The following PDZRN3 variants were observed in gnomAD, a reference collection of about 807,000 sequenced individuals.
PDZRN3 encodes the protein PDZ domain containing ring finger 3.
PDZRN3 carries 38 observed loss-of-function variants against 85.7 expected under a neutral mutation model. The observed-to-expected ratio is 0.44, with a 90% CI of 0.34 to 0.58. The LOEUF (loss-of-function observed/expected upper bound fraction) is 0.58. PDZRN3 is among the 20% of genes least tolerant of loss of function. PDZRN3 has a pLI of 0.01. For missense variants in PDZRN3, 1,629 were observed against 1,506.4 expected (o/e 1.08, Z -1.35); for synonymous variants, 759 against 638.0 (o/e 1.19, Z -2.86).
chr3:73,611,419 C>CAACT (rs1460479547), intron 1 of PDZRN3, among the ~76,000 whole-genome samples: 5 of 152,238 alleles, frequency 3.3e-5, no homozygotes, highest in Non-Finnish European at 7.3e-5. Flanking sequence ...TGTTTCTGAA[C>CAACT]AACTAAGCTG....
intron 3 of PDZRN3, among the ~76,000 whole-genome samples, chr3:73,409,715 G>C (rs868038201): frequency 6.6e-6 from 1 of 152,144 alleles, no homozygotes; most frequent in African/African-American, 2.4e-5. Context: ...GAAATATCAT[G>C]GGTTAAACTA....
At chr3:73,461,836 G>C (rs1204949514) in intron 3 of PDZRN3, among the ~76,000 whole-genome samples, 1 of 152,212 alleles carries the variant, frequency 6.6e-6, no homozygotes, top group African/African-American at 2.4e-5. Flanking sequence ...AAAGGGTCAT[G>C]ATTCACTACG....
At position 73,404,327 on chromosome 3, in the gene PDZRN3, C is replaced by T; in HGVS notation, c.987G>A (p.Glu329=). 6.2e-7 allele frequency: 1 copy of T among 1,614,172 alleles called. No individual in the cohort carries two copies. Among genetic ancestry groups the T allele is most frequent in the African/African-American group, 1.3e-5 (1 of 75,044 alleles). Residue 329 remains glutamate, a synonymous_variant, in exon 4 of 10, where the codon GAG becomes GAA. Coordinates refer to ENST00000263666, the MANE Select transcript of PDZRN3 (RefSeq NM_015009.3). ...QAVEAFKTAK[E]PIVVQVLRRT... is the part of the protein sequence containing the mutation. Reference sequence around the variant, plus strand: ...TTCTCAACACCTGCACCACTATGGGCTCCTTGGCTGTCTTGAAAGCTTCCA... The same window carrying T: ...TTCTCAACACCTGCACCACTATGGGTTCCTTGGCTGTCTTGAAAGCTTCCA...
At chr3:73,434,012 C>T (rs143193153) in intron 3 of PDZRN3, 9 of 1,169,116 alleles carry the variant, frequency 7.7e-6, no homozygotes, top group Non-Finnish European at 7.6e-6. Flanking sequence ...TGGTCCAATG[C>T]ACACGCTATA....
chr3:73,594,106 A>C (rs1467028690), intron 3 of PDZRN3: 2 of 152,200 alleles, frequency 1.3e-5, no homozygotes, highest in African/African-American at 4.8e-5. Flanking sequence ...TAGGAAAATA[A>C]GGAAAATAAT....
intron 5 of PDZRN3, among the ~76,000 whole-genome samples, chr3:73,400,308 G>C (rs1469430556): frequency 2.0e-5 from 3 of 152,176 alleles, no homozygotes; most frequent in Non-Finnish European, 4.4e-5. Flanking sequence ...ATGGGAAGTA[G>C]AACTCTGTTG....
chr3:73,597,261 A>C (rs1287646473), intron 3 of PDZRN3, among the ~76,000 whole-genome samples: 1 of 152,154 alleles, frequency 6.6e-6, no homozygotes, highest in East Asian at 1.9e-4. Context: ...AAGCATTGCT[A>C]ATCCTTTCTA....
chr3:73,554,500 C>CACAGCG (rs1701643912), intron 3 of PDZRN3, among the ~76,000 whole-genome samples: 1 of 152,050 alleles, frequency 6.6e-6, no homozygotes, highest in Non-Finnish European at 1.5e-5. Flanking sequence ...AAGCATGGGC[C>CACAGCG]ACAGCGTTGT....
intron 1 of PDZRN3, among the ~76,000 whole-genome samples, chr3:73,609,618 G>A (rs1170032008): frequency 6.6e-6 from 1 of 152,008 alleles, no homozygotes; most frequent in Non-Finnish European, 1.5e-5. Context: ...TTCACTTAAC[G>A]TTTTCTATTT....
chr3:73,580,623 T>C (rs1182613253), intron 3 of PDZRN3, among the ~76,000 whole-genome samples: 1 of 152,238 alleles, frequency 6.6e-6, no homozygotes, highest in Admixed American at 6.5e-5. Context: ...AAGGCTGCAC[T>C]GGCCTCCATC....
Position 73,384,419 on chromosome 3 carries a change from C to G in PDZRN3, c.2147G>C (p.Arg716Pro). 1 of 1,610,588 alleles carries G rather than the reference C, an allele frequency of 6.2e-7. No individual in the cohort carries two copies. The highest frequency in any genetic ancestry group is 8.5e-7 in the Non-Finnish European group (1 of 1,179,936). The change falls in exon 10 of 10, where the codon CGC (arginine) becomes CCC (proline). Residue 716 changes from arginine (R) to proline (P), a missense_variant. Arg to Pro is a moderately radical substitution (Grantham distance 103, BLOSUM62 -2). Coordinates refer to ENST00000263666, the MANE Select transcript of PDZRN3 (RefSeq NM_015009.3). ...GCTGTTGTGCAGCATCCAGGACTCG[C>G]GGTACTGCTCCTTGAGCTGCTGCAT... ...HKMQQLKEQYRESWMLHNSGF... is the reference protein window; with the variant it reads ...HKMQQLKEQYPESWMLHNSGF...
intron 1 of PDZRN3, among the ~76,000 whole-genome samples, chr3:73,622,596 G>C (rs1194275984): frequency 6.6e-6 from 1 of 152,174 alleles, no homozygotes; most frequent in Non-Finnish European, 1.5e-5. Flanking sequence ...CGACTTGGGA[G>C]GGAGGCCAAG....
At chr3:73,389,702 G>T in intron 7 of PDZRN3, 114 bp downstream of exon 7, 1 of 772,924 alleles carries the variant, frequency 1.3e-6, no homozygotes, top group Non-Finnish European at 2.3e-6. Flanking sequence ...ATCTGCGTTT[G>T]TGATCCCTGT....
At chr3:73,447,779 T>C (rs1425881178) in intron 3 of PDZRN3, among the ~76,000 whole-genome samples, 2 of 152,206 alleles carry the variant, frequency 1.3e-5, no homozygotes, top group Non-Finnish European at 2.9e-5. Context: ...CATGTTGATG[T>C]TCTTTCTCCT....
intron 3 of PDZRN3, among the ~76,000 whole-genome samples, chr3:73,593,707 TATACAC>T (rs1368113873): frequency 4.3e-3 from 430 of 100,980 alleles, no homozygotes; most frequent in African/African-American, 0.013. Flanking sequence ...CCGAAATAAA[TATACAC>T]ACACACACAC....
chr3:73,502,767 G>A (rs1448582629), intron 3 of PDZRN3, among the ~76,000 whole-genome samples: 3 of 152,202 alleles, frequency 2.0e-5, no homozygotes, highest in Non-Finnish European at 4.4e-5. Flanking sequence ...TATTTCTAAA[G>A]ATCAGCTGTG....
chr3:73,498,802 C>A (rs931507409), intron 3 of PDZRN3, among the ~76,000 whole-genome samples: 7 of 152,150 alleles, frequency 4.6e-5, no homozygotes, highest in Admixed American at 3.9e-4. Context: ...TAGGCTGGTT[C>A]TCGAACTCCT....
intron 3 of PDZRN3, among the ~76,000 whole-genome samples, chr3:73,600,379 T>C (rs1446183315): frequency 1.4e-5 from 2 of 138,578 alleles, no homozygotes; most frequent in Non-Finnish European, 3.1e-5. Context: ...AATAATCACA[T>C]TTATGCCTCC....
At chr3:73,390,963 A>AC in intron 6 of PDZRN3, 55 bp downstream of exon 6, 6 of 1,222,998 alleles carry the variant, frequency 4.9e-6, no homozygotes, top group Non-Finnish European at 7.2e-6. Context: ...ACATGAAAAA[A>AC]AAAACCCTTT....
Sources: gnomAD v4.1 joint callset for allele counts (sites outside exome capture counted in the v4.1 genomes callset) on GRCh38, gnomAD v4.1.1 for gene constraint, MANE v1.5 for transcripts, NCBI Gene and HGNC (gene_info 2026-07-23, HGNC 2026-07-21) for gene names.